TXNDC8: variants seen among roughly 807,000 people sequenced by gnomAD.
TXNDC8 encodes thioredoxin domain containing 8.
Under a neutral mutation model 12.9 loss-of-function variants are expected in TXNDC8, and 15 were observed. The observed-to-expected ratio is 1.16, with a 90% CI of 0.78 to 1.79. TXNDC8 has a LOEUF of 1.79. Among genes scored for constraint, TXNDC8 ranks in the 40% most tolerant of loss-of-function variants. The pLI, the probability that TXNDC8 is intolerant of heterozygous loss-of-function variation, is 0.00. For missense variants in TXNDC8, 128 were observed against 113.2 expected (o/e 1.13, Z -0.59); for synonymous variants, 40 against 35.4 (o/e 1.13, Z -0.46).
At chr9:110,313,561 C>A (rs544184077) in intron 3 of TXNDC8, among the ~76,000 whole-genome samples, 4 of 152,160 alleles carry the variant, frequency 2.6e-5, no homozygotes, top group Middle Eastern at 6.8e-3. Flanking sequence ...ATTAGCCAGG[C>A]GTGGTGGCAC....
chr9:110,337,106 G>A (rs1306921319), intron 1 of TXNDC8, among the ~76,000 whole-genome samples: 1 of 152,204 alleles, frequency 6.6e-6, no homozygotes, highest in East Asian at 1.9e-4. Context: ...TGGGGAAAAT[G>A]TCACAAGTCT....
intron 3 of TXNDC8, chr9:110,322,583 A>C: frequency 1.0e-6 from 1 of 985,492 alleles, no homozygotes; most frequent in Non-Finnish European, 1.2e-6. Context: ...GAATTGGTTC[A>C]AGAGCATAGA....
chr9:110,305,214 A>G (rs530644202), intron 3 of TXNDC8, among the ~76,000 whole-genome samples: 1 of 151,814 alleles, frequency 6.6e-6, no homozygotes, highest in East Asian at 1.9e-4. Context: ...TTTAAAAAAT[A>G]GAAAAAAAGA....
intron 2 of TXNDC8, among the ~76,000 whole-genome samples, chr9:110,327,185 T>G (rs1839356163): frequency 6.6e-6 from 1 of 152,124 alleles, no homozygotes; most frequent in African/African-American, 2.4e-5. Flanking sequence ...TGCAGCTGCT[T>G]TAGAAAACAG....
intron 1 of TXNDC8, among the ~76,000 whole-genome samples, chr9:110,336,934 G>T (rs973515957): frequency 6.6e-6 from 1 of 152,128 alleles, no homozygotes; most frequent in African/African-American, 2.4e-5. Context: ...AGGGAATAAG[G>T]CTCCAGGCTA....
Position 110,326,940 on chromosome 9 carries a change from GCACA to G in TXNDC8, c.130-704_130-701del, listed in dbSNP as rs377527245. ...TTAAATCTCTTGCCCTGCTACTCAT[GCACA>G]CACACACACACACACACACACACAC... On this transcript the variant is annotated intron_variant, in intron 2 of 4. Transcript: ENST00000423740. 3.4e-3 allele frequency among the ~76,000 whole-genome samples: 492 copies of G among 143,022 alleles called. 4 individuals carry two copies. Among genetic ancestry groups the G allele is most frequent in the African/African-American group, 0.01 (401 of 38,250 alleles). 93.8% of individuals were successfully genotyped at this position (143,022 alleles called of 152,430 possible). A position where few individuals can be genotyped will look rare whatever the true frequency, so the allele number is the denominator to read the frequency against.
intron 3 of TXNDC8, among the ~76,000 whole-genome samples, chr9:110,311,678 T>TTATATATA (rs368580581): frequency 2.5e-4 from 29 of 115,844 alleles, no homozygotes; most frequent in Admixed American, 7.1e-4. Context: ...TAGTATATCC[T>TTATATATA]TATATATATA....
At chr9:110,335,170 A>G (rs1310115715) in intron 1 of TXNDC8, among the ~76,000 whole-genome samples, 1 of 152,202 alleles carries the variant, frequency 6.6e-6, no homozygotes, top group Non-Finnish European at 1.5e-5. Flanking sequence ...TCCCTAACTG[A>G]CACATAAGTG....
chr9:110,312,399 T>G (rs1463680402), intron 3 of TXNDC8, among the ~76,000 whole-genome samples: 1 of 152,226 alleles, frequency 6.6e-6, no homozygotes, highest in East Asian at 1.9e-4. Context: ...ATATGACTTA[T>G]GGAAACAATA....
At chr9:110,334,091 G>T (rs1051710343) in intron 2 of TXNDC8, 125 bp downstream of exon 2, 1 of 648,332 alleles carries the variant, frequency 1.5e-6, no homozygotes, top group Non-Finnish European at 2.6e-6. Context: ...GTTAATCAGG[G>T]TGCTTCAAAA....
In TXNDC8 at chr9:110,325,210, TA is replaced by T. The variant is rs553257837; in HGVS notation, c.195+964del. On this transcript the variant is annotated intron_variant, in intron 3 of 4. Transcript: ENST00000423740. ...ATTCCATTAATATTTTTAAGATAAC[TA>T]ACATAACACAGTAAGCACTTAATGC... is the stretch of plus-strand genomic sequence containing the variant. Among the ~76,000 whole-genome samples, 1,516 of 152,312 alleles carry T rather than the reference TA, an allele frequency of 1.0e-2. 6 individuals are homozygous for T. Among genetic ancestry groups the T allele is most frequent in the Non-Finnish European group, 0.017 (1,137 of 68,032 alleles).
intron 3 of TXNDC8, among the ~76,000 whole-genome samples, chr9:110,313,095 AG>A (rs1489337286): frequency 1.3e-5 from 2 of 152,030 alleles, no homozygotes; most frequent in Admixed American, 6.6e-5. Context: ...TAGTAGAGAC[AG>A]GGTTTCAACA....
chr9:110,337,674 T>C (rs945862213), intron 1 of TXNDC8, 99 bp downstream of exon 1: 4 of 1,134,172 alleles, frequency 3.5e-6, no homozygotes, highest in African/African-American at 1.6e-5. Context: ...AATGCAATGA[T>C]AGAATACTGG....
intron 2 of TXNDC8, among the ~76,000 whole-genome samples, chr9:110,327,459 A>T (rs1242892058): frequency 6.6e-6 from 1 of 151,904 alleles, no homozygotes; most frequent in Non-Finnish European, 1.5e-5. Context: ...AGTAGCTGGG[A>T]TTACAGGTGT....
intron 1 of TXNDC8, 61 bp from the exon 2 acceptor site, chr9:110,334,381 GAGA>G (rs1839669960): frequency 6.9e-7 from 1 of 1,441,508 alleles, no homozygotes; most frequent in Non-Finnish European, 9.7e-7. Flanking sequence ...ACATTTTGTA[GAGA>G]AGAAGATGAC....
chr9:110,317,225 C>G (rs959574261), intron 3 of TXNDC8, among the ~76,000 whole-genome samples: 3 of 152,132 alleles, frequency 2.0e-5, no homozygotes, highest in African/African-American at 7.2e-5. Flanking sequence ...TAGGGTGAAA[C>G]TTTATTCTCA....
chr9:110,303,093 T>C (rs1259906175), downstream of TXNDC8, among the ~76,000 whole-genome samples: 2 of 152,062 alleles, frequency 1.3e-5, no homozygotes, highest in Non-Finnish European at 2.9e-5. Flanking sequence ...GGAGAAGAAT[T>C]TTGTACCATA....
intron 1 of TXNDC8, among the ~76,000 whole-genome samples, chr9:110,337,117 A>G (rs2118893375): frequency 6.6e-6 from 1 of 152,268 alleles, no homozygotes; most frequent in East Asian, 1.9e-4. Context: ...TCACAAGTCT[A>G]AATCTGAGGC....
intron 4 of TXNDC8, 70 bp downstream of exon 5, chr9:110,304,397 G>A: frequency 7.2e-7 from 1 of 1,394,592 alleles, no homozygotes; most frequent in South Asian, 1.2e-5. Context: ...CTGCCTGAGT[G>A]TGTCATTATA....
Sources: allele counts gnomAD v4.1 joint callset (sites outside exome capture counted in the v4.1 genomes callset), GRCh38; gene constraint gnomAD v4.1.1; transcripts MANE v1.5; gene names NCBI Gene and HGNC (gene_info 2026-07-23, HGNC 2026-07-21).